FBLN2: variants seen among roughly 807,000 people sequenced by gnomAD.
FBLN2 encodes the protein fibulin 2.
FBLN2 carries 81 observed loss-of-function variants against 123.7 expected under a neutral mutation model. The ratio of observed to expected loss-of-function variants is 0.65; its 90% confidence interval spans 0.55 to 0.79. FBLN2 has a LOEUF of 0.79. FBLN2 is among the 30% of genes least tolerant of loss of function. The probability of loss-of-function intolerance (pLI) is 0.00; values close to 1 mark genes in which losing one functional copy is unlikely to be tolerated. For missense variants in FBLN2, 1,603 were observed against 1,681.3 expected (o/e 0.95, Z 0.81); for synonymous variants, 699 against 701.4 (o/e 1.00, Z 0.05).
chr3:13,625,435 C>G (rs1266296796), intron 9 of FBLN2, among the ~76,000 whole-genome samples: 2 of 152,162 alleles, frequency 1.3e-5, no homozygotes, highest in African/African-American at 2.4e-5. Flanking sequence ...GCCATCTGAC[C>G]ATTCTCAAGT....
intron 1 of FBLN2, among the ~76,000 whole-genome samples, chr3:13,562,768 C>G (rs962934771): frequency 3.3e-5 from 5 of 152,192 alleles, no homozygotes; most frequent in African/African-American, 9.7e-5. Flanking sequence ...GAAACTGTGT[C>G]CCCATTAAGC....
At chr3:13,612,411 C>G (rs1246430381) in intron 4 of FBLN2, among the ~76,000 whole-genome samples, 1 of 150,476 alleles carries the variant, frequency 6.6e-6, no homozygotes, top group Admixed American at 6.7e-5. Context: ...GACGGAGTCT[C>G]GCTCTGTCAC....
intron 2 of FBLN2, among the ~76,000 whole-genome samples, chr3:13,591,669 G>A (rs1704680006): frequency 6.6e-6 from 1 of 152,144 alleles, no homozygotes; most frequent in South Asian, 2.1e-4. Flanking sequence ...TAGCCTTGTA[G>A]TAATTTTTAG....
intron 16 of FBLN2, 40 bp from the exon 17 acceptor site, chr3:13,636,405 C>T (rs1321330382): frequency 2.5e-6 from 4 of 1,607,132 alleles, no homozygotes; most frequent in Non-Finnish European, 3.4e-6. Flanking sequence ...CTGGGTCCCC[C>T]AGCTGTGGGG....
Position 13,638,288 on chromosome 3 carries a change from C to G in FBLN2, c.*369C>G, listed in dbSNP as rs14468. ...ATTTCATGTTCCACTGTGATTAATT[C>G]TTTTCTTTTTTAAAAAATCATTTTA... On this transcript the variant is annotated 3_prime_UTR_variant, in exon 18 of 18. Transcript: ENST00000404922. 1 of 460,864 alleles carries G rather than the reference C, an allele frequency of 2.2e-6. No individual in the cohort carries two copies. The highest frequency in any genetic ancestry group is 4.0e-6 in the Non-Finnish European group (1 of 249,916). 28.5% of individuals were successfully genotyped at this position (460,864 alleles called of 1,614,324 possible).
At chr3:13,563,645 A>G (rs76056751) in intron 1 of FBLN2, among the ~76,000 whole-genome samples, 5,098 of 152,344 alleles carry the variant, frequency 0.033, 299 homozygotes, top group African/African-American at 0.12. Flanking sequence ...CGTCTAAGAC[A>G]GTGCGCAGCT....
chr3:13,607,293 T>A (rs528448005), intron 2 of FBLN2, among the ~76,000 whole-genome samples: 39 of 150,978 alleles, frequency 2.6e-4, no homozygotes, highest in African/African-American at 9.6e-4. Context: ...GCCTATATTC[T>A]GTATTCTTAA....
intron 4 of FBLN2, 46 bp downstream of exon 4, chr3:13,609,688 G>GGGGGGCCCCC: frequency 2.0e-6 from 1 of 512,604 alleles, no homozygotes; most frequent in Non-Finnish European, 3.6e-6. Context: ...GTGGGGCGGG[G>GGGGGGCCCCC]CGGGAGGCTG....
rs1289788137 is a variant in FBLN2 at position 13,621,919 on chromosome 3, A to AT, written c.2296+4_2296+5insT. 1 of 1,610,844 alleles carries AT rather than the reference A, an allele frequency of 6.2e-7. No homozygotes were observed. Among genetic ancestry groups the AT allele is most frequent in the Non-Finnish European group, 8.5e-7 (1 of 1,178,750 alleles). ...AATGCGCACAGGAAGTGCGTGGGTAAGCCAGGGCCCCGCCTGCCGCCCGCC... is the reference window on the plus strand; with the variant it reads ...AATGCGCACAGGAAGTGCGTGGGTAATGCCAGGGCCCCGCCTGCCGCCCGCC... On this transcript the variant is annotated splice_donor_region_variant and intron_variant, in intron 9 of 17. Transcript: ENST00000404922.
intron 16 of FBLN2, among the ~76,000 whole-genome samples, chr3:13,632,265 C>G (rs1706282984): frequency 6.6e-6 from 1 of 152,244 alleles, no homozygotes; most frequent in South Asian, 2.1e-4. Context: ...CTCTCGCTCC[C>G]TCGGCCCCTC....
chr3:13,557,838 C>T (rs1021769865), intron 1 of FBLN2, among the ~76,000 whole-genome samples: 4 of 152,338 alleles, frequency 2.6e-5, no homozygotes, highest in East Asian at 3.9e-4. Flanking sequence ...TCACATGCTC[C>T]GAGGTGCCCA....
chr3:13,554,008 C>T (rs2063888), intron 1 of FBLN2, among the ~76,000 whole-genome samples: 125,621 of 152,238 alleles, frequency 0.83, 52,079 homozygotes, highest in East Asian at 1. Flanking sequence ...TGGGGAGCAC[C>T]GTGGGAGTTG....
chr3:13,628,899 C>T lies in FBLN2; in HGVS notation c.2570-6C>T, dbSNP rs1185864611. 2 of 1,612,426 alleles carry T rather than the reference C, an allele frequency of 1.2e-6. No homozygotes were observed. Among genetic ancestry groups the T allele is most frequent in the Non-Finnish European group, 1.7e-6 (2 of 1,179,252 alleles). ...GGCTCCCTGTCACCTACACCTGCCT[C>T]TGCAGACATCAACGAGTGCACGTCA... On this transcript the variant is annotated splice_region_variant and splice_polypyrimidine_tract_variant and intron_variant, in intron 11 of 17. Coordinates refer to ENST00000404922, the MANE Select transcript of FBLN2 (RefSeq NM_001004019.2).
At chr3:13,585,675 C>T (rs919681824) in intron 2 of FBLN2, among the ~76,000 whole-genome samples, 7 of 152,128 alleles carry the variant, frequency 4.6e-5, no homozygotes, top group Non-Finnish European at 1.0e-4. Context: ...CCTGTAATCC[C>T]AGCACTTTGG....
In FBLN2 at chr3:13,638,170, T is replaced by A; in HGVS notation, c.*251T>A. On this transcript the variant is annotated 3_prime_UTR_variant, in exon 18 of 18. Transcript: ENST00000404922. ...ACGGCCGTGGCGGGTGCCCTGTGGG[T>A]GAGGCTGGGTGATGACCTGAGGACC... The A allele has an allele frequency of 1.6e-6, 1 of 636,596 alleles. No homozygotes were observed. Among genetic ancestry groups the A allele is most frequent in the African/African-American group, 1.8e-5 (1 of 54,560 alleles). The allele number at this position is 636,596 out of a possible 1,614,324, so 39.4% of individuals were successfully genotyped here. A position where few individuals can be genotyped will look rare whatever the true frequency, so the allele number is the denominator to read the frequency against.
intron 2 of FBLN2, among the ~76,000 whole-genome samples, chr3:13,607,340 C>T (rs758760344): frequency 1.3e-5 from 2 of 152,028 alleles, no homozygotes; most frequent in Non-Finnish European, 2.9e-5. Flanking sequence ...TTAAGAAAAT[C>T]GTAAGAGAAA....
chr3:13,637,921 G>T lies in FBLN2; in HGVS notation c.*2G>T. 6.4e-7 allele frequency: 1 copy of T among 1,572,588 alleles called. No individual in the cohort carries two copies. Among genetic ancestry groups the T allele is most frequent in the Non-Finnish European group, 8.7e-7 (1 of 1,155,274 alleles). On this transcript the variant is annotated 3_prime_UTR_variant, in exon 18 of 18. Transcript: ENST00000404922. The stretch of plus-strand genomic sequence containing the variant: ...TTCTTCACCACCTTTGCCCTGTGAG[G>T]TGCCAGCACGGGCCACCTGCGGGTG...
intron 1 of FBLN2, among the ~76,000 whole-genome samples, chr3:13,569,600 G>A (rs1391378607): frequency 1.3e-5 from 2 of 152,076 alleles, no homozygotes; most frequent in African/African-American, 4.8e-5. Context: ...GGATGCATTT[G>A]CCAGTGCTAC....
chr3:13,637,530 G>C, intron 17 of FBLN2, 32 bp from the exon 18 acceptor site: 4 of 1,553,810 alleles, frequency 2.6e-6, no homozygotes, highest in Non-Finnish European at 3.5e-6. Flanking sequence ...GGGTGGGCGA[G>C]CTGTGGGTGA....
Sources: gnomAD v4.1 joint callset for allele counts (sites outside exome capture counted in the v4.1 genomes callset) on GRCh38, gnomAD v4.1.1 for gene constraint, MANE v1.5 for transcripts, NCBI Gene and HGNC (gene_info 2026-07-23, HGNC 2026-07-21) for gene names.